Variants in C1orf159 observed in about 807,000 individuals in gnomAD.
C1orf159 encodes the protein uncharacterized protein C1orf159.
C1orf159 carries 19 observed loss-of-function variants against 25.6 expected under a neutral mutation model. That is an observed-to-expected ratio of 0.74 (90% confidence interval 0.52 to 1.09). The LOEUF is 1.09. Ranked by LOEUF, C1orf159 falls within the 50% of genes least tolerant of loss-of-function variation. The pLI is 0.00. For missense variants in C1orf159, 274 were observed against 290.6 expected (o/e 0.94, Z 0.42); for synonymous variants, 139 against 124.7 (o/e 1.12, Z -0.77).
At chr1:1,090,998 C>T (rs777949795) in intron 3 of C1orf159, 62 of 1,539,842 alleles carry the variant, frequency 4.0e-5, no homozygotes, top group African/African-American at 5.5e-5. Flanking sequence ...ATGCAGTGAA[C>T]GGTGAGGGCG....
intron 1 of C1orf159, among the ~76,000 whole-genome samples, chr1:1,101,031 T>C (rs532727209): frequency 3.0e-4 from 46 of 152,376 alleles, no homozygotes; most frequent in African/African-American, 1.1e-3. Context: ...TAGTATATAC[T>C]ATCTTCAGCA....
Position 1,087,889 on chromosome 1 carries a change from C to T in C1orf159, c.149-292G>A, listed in dbSNP as rs1645858161. On this transcript the variant is annotated intron_variant, in intron 4 of 9. Transcript: ENST00000421241. The surrounding 1 kb of genome is among the most constrained non-coding windows in gnomAD (Gnocchi z 8.3). Reference sequence around the variant, plus strand: ...CCCCGGCCCCGAGTACTCCACGCTGCACTCTCCACGCCGAGCACCCCAGCC... The same window carrying T: ...CCCCGGCCCCGAGTACTCCACGCTGTACTCTCCACGCCGAGCACCCCAGCC... 6.7e-6 allele frequency among the ~76,000 whole-genome samples: 1 copy of T among 149,220 alleles called. No individual in the cohort carries two copies. Among genetic ancestry groups the T allele is most frequent in the Admixed American group, 6.6e-5 (1 of 15,052 alleles).
intron 3 of C1orf159, 186 bp downstream of exon 3, chr1:1,091,286 C>T: frequency 1.4e-6 from 1 of 701,774 alleles, no homozygotes; most frequent in Non-Finnish European, 2.5e-6. Flanking sequence ...ACCCAGCAGG[C>T]AGCGGAGGGC....
chr1:1,088,170 T>C (rs1570306564), intron 4 of C1orf159, among the ~76,000 whole-genome samples: 1 of 10,238 alleles, frequency 9.8e-5, no homozygotes, highest in African/African-American at 4.3e-4. Context: ...CCCACGCCTC[T>C]CCTAGGATCC....
Position 1,091,501 on chromosome 1 carries a change from C to T in C1orf159, c.43G>A (p.Gly15Arg). Residue 15 changes from glycine (G) to arginine (R), a missense_variant, in exon 3 of 10, where the codon GGA (glycine) becomes AGA (arginine). Transcript: ENST00000421241. Reference sequence around the variant, plus strand: ...TTCTCCATGGACTTGCTGGCGACTCCCACGAGAAGGCCAGCCAGGAGGGCG... The same window carrying T: ...TTCTCCATGGACTTGCTGGCGACTCTCACGAGAAGGCCAGCCAGGAGGGCG... The part of the protein sequence containing the change: ...HLALLAGLLV[G>R]VASKSMENTA... The T allele has an allele frequency of 6.5e-7, 1 of 1,550,288 alleles. No homozygotes were observed. The highest frequency in any genetic ancestry group is 2.4e-5 in the East Asian group (1 of 40,912).
intron 1 of C1orf159, among the ~76,000 whole-genome samples, chr1:1,103,467 A>G (rs562492589): frequency 1.3e-5 from 2 of 152,324 alleles, no homozygotes; most frequent in East Asian, 3.9e-4. Flanking sequence ...AAGAGAATCA[A>G]TGTTTCTACT....
At chr1:1,115,582 C>A (rs1295437008) in intron 1 of C1orf159, among the ~76,000 whole-genome samples, 1 of 116,192 alleles carries the variant, frequency 8.6e-6, no homozygotes, top group Non-Finnish European at 1.9e-5. Flanking sequence ...GACCCCCTTC[C>A]CTGCCCCGGG....
At chr1:1,098,589 T>C (rs2100759689) in intron 1 of C1orf159, among the ~76,000 whole-genome samples, 1 of 152,352 alleles carries the variant, frequency 6.6e-6, no homozygotes, top group South Asian at 2.1e-4. Context: ...TTGGAAAATG[T>C]ATCATGTGCA....
At chr1:1,099,456 C>T (rs1397562835) in intron 1 of C1orf159, among the ~76,000 whole-genome samples, 4 of 102,012 alleles carry the variant, frequency 3.9e-5, no homozygotes, top group South Asian at 3.0e-4. Flanking sequence ...TGTTTTTGGT[C>T]GATTGTTCTA....
Position 1,089,081 on chromosome 1 carries a change from T to C in C1orf159, c.148+1272A>G, listed in dbSNP as rs549318030. ...CAGCACTGTCCCCAGAAGTGCCCGC[T>C]GCCTCCCCGAGCGGAGACGTGACCT... On this transcript the variant is annotated intron_variant, in intron 4 of 9. Transcript: ENST00000421241. The surrounding 1 kb of genome is among the most constrained non-coding windows in gnomAD (Gnocchi z 7.5). Among the ~76,000 whole-genome samples the C allele has an allele frequency of 3.9e-5, 6 of 152,294 alleles. No homozygotes were observed. The highest frequency in any genetic ancestry group is 1.4e-4 in the African/African-American group (6 of 41,568).
Position 1,087,396 on chromosome 1 carries a change from T to A in C1orf159, c.244+106A>T. ...GGGGGCTCCCGGGGCTGTTCCCCAG[T>A]GGACAGTGGCTCTGGGGCAAGGTGG... On this transcript the variant is annotated intron_variant, in intron 5 of 9. Transcript: ENST00000421241. This position sits in a 1 kb window ranked among gnomAD's most constrained non-coding sequence, Gnocchi z 8.3. 8.1e-7 allele frequency: 1 copy of A among 1,235,652 alleles called. No homozygotes were observed. The highest frequency in any genetic ancestry group is 1.1e-6 in the Non-Finnish European group (1 of 892,232). 76.5% of individuals were successfully genotyped at this position (1,235,652 alleles called of 1,614,324 possible).
chr1:1,104,557 G>C (rs774461736), intron 1 of C1orf159, among the ~76,000 whole-genome samples: 2 of 152,150 alleles, frequency 1.3e-5, no homozygotes, highest in Non-Finnish European at 2.9e-5. Flanking sequence ...GGCTTTCTGT[G>C]TCCAGAAACC....
Position 1,087,901 on chromosome 1 carries a change from C to G in C1orf159, c.149-304G>C, listed in dbSNP as rs531353426. Among the ~76,000 whole-genome samples, 2 of 149,898 alleles carry G rather than the reference C, an allele frequency of 1.3e-5. No homozygotes were observed. Among genetic ancestry groups the G allele is most frequent in the African/African-American group, 4.9e-5 (2 of 40,794 alleles). ...GTACTCCACGCTGCACTCTCCACGC[C>G]GAGCACCCCAGCCCCGAGTACTCCA... On this transcript the variant is annotated intron_variant, in intron 4 of 9. Transcript: ENST00000421241. This position sits in a 1 kb window ranked among gnomAD's most constrained non-coding sequence, Gnocchi z 8.3.
chr1:1,085,440 C>T (rs1029615351), intron 7 of C1orf159: 18 of 287,516 alleles, frequency 6.3e-5, no homozygotes, highest in East Asian at 4.7e-4. Context: ...GTGTGTACGG[C>T]GTGGCGTAGG....
At chr1:1,102,614 TAAAAAAAAAAAAAAAAAAAA>T (rs1170365187) in intron 1 of C1orf159, among the ~76,000 whole-genome samples, 4 of 34,108 alleles carry the variant, frequency 1.2e-4, no homozygotes, top group African/African-American at 4.0e-4. Flanking sequence ...CTGTCTCTAC[TAAAAAAAAAAAAAAAAAAAA>T]AAAAAAAAAA....
rs1222128320 is a variant in C1orf159 at position 1,087,193 on chromosome 1, C to T, written c.256G>A (p.Gly86Ser). 1 of 1,608,244 alleles carries T rather than the reference C, an allele frequency of 6.2e-7. No individual in the cohort carries two copies. Residue 86 changes from glycine to serine, a missense_variant, in exon 6 of 10, where the codon GGT becomes AGT. By Grantham distance (56) the Gly-to-Ser change is moderately conservative (BLOSUM62 0). Transcript: ENST00000421241. The surrounding 1 kb of genome is among the most constrained non-coding windows in gnomAD (Gnocchi z 8.3). ...GSECRSFAGP[G>S]APFPMNRSSG... ...CTTCTGTTCATGGGGAATGGCGCACCCGGGCCAGCAACTGTGGGATAGCAG... is the reference window on the plus strand; with the variant it reads ...CTTCTGTTCATGGGGAATGGCGCACTCGGGCCAGCAACTGTGGGATAGCAG...
chr1:1,085,864 G>T lies in C1orf159; in HGVS notation c.445+14C>A, dbSNP rs766669493. 6.2e-7 allele frequency: 1 copy of T among 1,612,630 alleles called. No individual in the cohort carries two copies. The highest frequency in any genetic ancestry group is 8.5e-7 in the Non-Finnish European group (1 of 1,179,646). On this transcript the variant is annotated intron_variant, in intron 7 of 9. Transcript: ENST00000421241. ...TGTGCCCTCCCGTGGGGCAGGTGCT[G>T]GTCCGGGAGATACCTTTGTTTCTTC...
At chr1:1,115,468 G>C (rs1163133303) in intron 1 of C1orf159, among the ~76,000 whole-genome samples, 42 of 146,578 alleles carry the variant, frequency 2.9e-4, no homozygotes, top group African/African-American at 1.1e-3. Context: ...TCTTCCCCCG[G>C]GCGCCCGTCC....
At chr1:1,085,644 G>A (rs1156383483) in intron 7 of C1orf159, among the ~76,000 whole-genome samples, 1 of 152,218 alleles carries the variant, frequency 6.6e-6, no homozygotes, top group African/African-American at 2.4e-5. Flanking sequence ...AGAGGTTCTG[G>A]GCCCCGAGGA....
Sources: gnomAD v4.1 joint callset for allele counts (sites outside exome capture counted in the v4.1 genomes callset) on GRCh38, gnomAD v4.1.1 for gene constraint, Gnocchi (gnomAD v3.1) non-coding constraint, MANE v1.5 for transcripts, NCBI Gene and HGNC (gene_info 2026-07-23, HGNC 2026-07-21) for gene names.